The following TMEM267 variants were observed in gnomAD, a reference collection of about 807,000 sequenced individuals.
TMEM267 encodes the protein transmembrane protein 267.
TMEM267 carries 20 observed loss-of-function variants against 19.3 expected under a neutral mutation model. The ratio of observed to expected loss-of-function variants is 1.04; its 90% CI spans 0.73 to 1.51. The LOEUF (loss-of-function observed/expected upper bound fraction) is 1.51, where lower values mean the gene tolerates loss of function less well. Among genes scored for constraint, TMEM267 ranks in the 40% most tolerant of loss-of-function variants. The pLI is 0.00. For missense variants in TMEM267, 242 were observed against 261.9 expected (o/e 0.92, Z 0.52); for synonymous variants, 88 against 90.3 (o/e 0.97, Z 0.15).
intron 1 of TMEM267, among the ~76,000 whole-genome samples, chr5:43,469,905 G>A (rs2112156464): frequency 6.6e-6 from 1 of 152,302 alleles, no homozygotes; most frequent in East Asian, 1.9e-4. Flanking sequence ...TATCTTCACA[G>A]GTGCAGGACA....
At chr5:43,469,260 A>ATT (rs1047300851) in intron 1 of TMEM267, among the ~76,000 whole-genome samples, 9 of 152,206 alleles carry the variant, frequency 5.9e-5, no homozygotes, top group African/African-American at 2.2e-4. Flanking sequence ...CAAAAGATTA[A>ATT]TGAAACATAA....
At chr5:43,451,751 G>T (rs2172763) in intron 2 of TMEM267, among the ~76,000 whole-genome samples, 92,993 of 151,950 alleles carry the variant, frequency 0.61, 31,155 homozygotes, top group African/African-American at 0.89. Context: ...CTACTGAATA[G>T]CTTCTAAAAG....
intron 1 of TMEM267, among the ~76,000 whole-genome samples, chr5:43,476,443 T>C (rs6896693): frequency 2.0e-5 from 3 of 149,436 alleles, no homozygotes; most frequent in Non-Finnish European, 4.4e-5. Context: ...CACAATTCCA[T>C]AGGTCTTTAG....
intron 2 of TMEM267, among the ~76,000 whole-genome samples, chr5:43,452,454 G>A (rs974502296): frequency 2.6e-5 from 4 of 152,088 alleles, no homozygotes; most frequent in Admixed American, 6.6e-5. Context: ...CCAAGAGGTG[G>A]GAGAGTGAGA....
intron 2 of TMEM267, among the ~76,000 whole-genome samples, chr5:43,447,728 TTC>T (rs369531568): frequency 1.3e-5 from 2 of 152,146 alleles, no homozygotes; most frequent in Non-Finnish European, 2.9e-5. Flanking sequence ...AATCAGTGGG[TTC>T]TCTCTCTCAC....
At chr5:43,464,781 C>T (rs1417299672) in intron 1 of TMEM267, among the ~76,000 whole-genome samples, 1 of 152,192 alleles carries the variant, frequency 6.6e-6, no homozygotes, top group Admixed American at 6.5e-5. Context: ...GGATCCCTTC[C>T]TTACACCTTA....
At chr5:43,468,244 A>G (rs376995239) in intron 1 of TMEM267, among the ~76,000 whole-genome samples, 2 of 152,326 alleles carry the variant, frequency 1.3e-5, no homozygotes, top group East Asian at 3.9e-4. Flanking sequence ...GACTATTACA[A>G]GGTGAAAGAC....
chr5:43,466,045 G>C (rs935496532), intron 1 of TMEM267, among the ~76,000 whole-genome samples: 1 of 151,952 alleles, frequency 6.6e-6, no homozygotes, highest in Admixed American at 6.6e-5. Context: ...ATAGTTATTG[G>C]CTGTAAAGAT....
chr5:43,471,997 G>GA (rs145048762), intron 1 of TMEM267, among the ~76,000 whole-genome samples: 243 of 151,060 alleles, frequency 1.6e-3, no homozygotes, highest in African/African-American at 5.6e-3. Context: ...GTAAAGTGAA[G>GA]AAAAAAACAC....
intron 1 of TMEM267, among the ~76,000 whole-genome samples, 192 bp downstream of exon 1, chr5:43,483,630 G>A (rs973769381): frequency 6.6e-6 from 1 of 152,168 alleles, no homozygotes; most frequent in African/African-American, 2.4e-5. Flanking sequence ...CGGCTCGTGG[G>A]TCACACGCAC....
At chr5:43,484,025 C>T (rs1038163778), upstream of TMEM267, 3 of 152,256 alleles carry the variant, frequency 2.0e-5, no homozygotes, top group Non-Finnish European at 2.9e-5. Flanking sequence ...TCGAGTTTCT[C>T]CTCGCCCACC....
At chr5:43,457,375 C>T (rs1743014297) in intron 1 of TMEM267, among the ~76,000 whole-genome samples, 1 of 152,258 alleles carries the variant, frequency 6.6e-6, no homozygotes, top group South Asian at 2.1e-4. Flanking sequence ...ATGGAACTAC[C>T]TGAAACTGGG....
At chr5:43,458,147 C>T (rs898096757) in intron 1 of TMEM267, among the ~76,000 whole-genome samples, 2 of 152,160 alleles carry the variant, frequency 1.3e-5, no homozygotes, top group Non-Finnish European at 2.9e-5. Context: ...GTTGTCCAGG[C>T]TGGAGTGCAG....
intron 1 of TMEM267, among the ~76,000 whole-genome samples, chr5:43,467,508 G>T (rs761685232): frequency 6.6e-6 from 1 of 152,174 alleles, no homozygotes; most frequent in Non-Finnish European, 1.5e-5. Context: ...TAATGACAAA[G>T]ATGTAATTTC....
chr5:43,446,328 T>C lies in TMEM267; in HGVS notation c.542A>G (p.Tyr181Cys), dbSNP rs765221777. The C allele has an allele frequency of 6.2e-6, 10 of 1,613,754 alleles. No individual in the cohort carries two copies. The South Asian group carries it at 7.7e-5, about 12-fold the overall frequency. The change falls in exon 3 of 3, where the codon TAT (tyrosine) becomes TGT (cysteine). Residue 181 changes from tyrosine to cysteine, a missense_variant. By Grantham distance (194) the Tyr-to-Cys change is radical. Coordinates refer to ENST00000397080, the MANE Select transcript of TMEM267 (RefSeq NM_022483.5). ...AGGTAAAGATGATGTGATTATTACA[T>C]AAAGCCAGAATGGCAAAGGAGAAGT... ...GKTSPLPFWL[Y>C]VIITSSLPHI...
chr5:43,446,557 C>G lies in TMEM267; in HGVS notation c.313G>C (p.Ala105Pro). ...GGTCTTCGCGGGAGAGTCAAAGCAGCCTGAGGGAGCAAAGTAATAGCGAGT... is the reference window on the plus strand; with the variant it reads ...GGTCTTCGCGGGAGAGTCAAAGCAGGCTGAGGGAGCAAAGTAATAGCGAGT... The part of the protein sequence containing the change: ...FFLAGSMSLK[A>P]ALTLPRRPFL... The change falls in exon 3 of 3, where the codon GCT (alanine) becomes CCT (proline). Residue 105 changes from alanine (A) to proline (P), a missense_variant and splice_region_variant. Transcript: ENST00000397080. The G allele has an allele frequency of 3.8e-6, 6 of 1,593,710 alleles. No homozygotes were observed. Among genetic ancestry groups the G allele is most frequent in the Non-Finnish European group, 1.7e-6 (2 of 1,167,752 alleles).
chr5:43,448,605 C>T (rs977047885), intron 2 of TMEM267, among the ~76,000 whole-genome samples: 4 of 152,048 alleles, frequency 2.6e-5, no homozygotes, highest in East Asian at 1.9e-4. Context: ...GAAGAAACCC[C>T]GTTTCTACTA....
chr5:43,473,139 C>CAAAAAAAA (rs71610311), intron 1 of TMEM267, among the ~76,000 whole-genome samples: 5 of 84,504 alleles, frequency 5.9e-5, no homozygotes, highest in Admixed American at 1.7e-4. Context: ...CTCCGTGTCA[C>CAAAAAAAA]AAAAAAAAAA....
chr5:43,446,681 T>C (rs2111995881), intron 2 of TMEM267, 124 bp from the exon 3 acceptor site: 4 of 568,344 alleles, frequency 7.0e-6, no homozygotes, highest in Non-Finnish European at 6.0e-6. Context: ...ACATGTTCTA[T>C]GCCACTTCAG....
Sources: allele counts gnomAD v4.1 joint callset (sites outside exome capture counted in the v4.1 genomes callset), GRCh38; gene constraint gnomAD v4.1.1; transcripts MANE v1.5; gene names NCBI Gene and HGNC (gene_info 2026-07-23, HGNC 2026-07-21).